CNTN1: variants seen among roughly 807,000 people sequenced by gnomAD.
CNTN1 encodes the protein contactin 1, also known as contactin-1.
CNTN1 carries 38 observed loss-of-function variants against 126.4 expected under a neutral mutation model. The observed-to-expected ratio is 0.30, with a 90% CI of 0.23 to 0.39. The LOEUF (loss-of-function observed/expected upper bound fraction) is 0.39. Ranked by LOEUF, CNTN1 falls within the 10% of genes least tolerant of loss-of-function variation. The pLI is 1.00. For synonymous variants in CNTN1, 413 were observed against 422.6 expected (o/e 0.98, Z 0.28); for missense variants, 1,009 against 1,248.4 (o/e 0.81, Z 2.89).
intron 1 of CNTN1, among the ~76,000 whole-genome samples, chr12:40,866,341 T>C (rs930748478): frequency 2.0e-5 from 3 of 152,126 alleles, no homozygotes; most frequent in Non-Finnish European, 2.9e-5. Context: ...GAACTTTCAG[T>C]AAAATGTTCA....
rs910088977 is a variant in CNTN1 at position 41,071,483 on chromosome 12, C to T, written c.*1448C>T. On this transcript the variant is annotated 3_prime_UTR_variant, in exon 24 of 24. Coordinates refer to ENST00000551295, the MANE Select transcript of CNTN1 (RefSeq NM_001843.4). ...GAGTTTATCTTTTTAGAAAGGACAC[C>T]GTATAGGTTCGTAAAAAATATTTAC... The T allele has an allele frequency of 1.3e-5, 2 of 151,948 alleles. No homozygotes were observed. The highest frequency in any genetic ancestry group is 2.1e-4 in the South Asian group (1 of 4,830). The allele number at this position is 151,948 out of a possible 1,614,324, so 9.4% of individuals were successfully genotyped here.
At chr12:40,919,747 T>A (rs1945371123) in intron 4 of CNTN1, among the ~76,000 whole-genome samples, 1 of 152,228 alleles carries the variant, frequency 6.6e-6, no homozygotes, top group East Asian at 1.9e-4. Flanking sequence ...ATTGTGAATT[T>A]AGATACAAAA....
At chr12:40,700,578 A>T (rs114104213) in intron 1 of CNTN1, among the ~76,000 whole-genome samples, 2 of 152,150 alleles carry the variant, frequency 1.3e-5, no homozygotes, top group Admixed American at 1.3e-4. Flanking sequence ...TTAGTAGACA[A>T]TGTTCAACTT....
At chr12:40,904,119 C>T (rs188540825) in intron 1 of CNTN1, among the ~76,000 whole-genome samples, 1 of 151,452 alleles carries the variant, frequency 6.6e-6, no homozygotes, top group Non-Finnish European at 1.5e-5. Flanking sequence ...CCTGGGTTCA[C>T]GCCATTCTCC....
intron 1 of CNTN1, among the ~76,000 whole-genome samples, chr12:40,718,659 T>C (rs1411136555): frequency 6.6e-6 from 1 of 152,184 alleles, no homozygotes; most frequent in Non-Finnish European, 1.5e-5. Context: ...GCAGTACAAC[T>C]AAATAGAGTC....
intron 14 of CNTN1, among the ~76,000 whole-genome samples, chr12:40,953,023 ATCTT>A (rs1384755214): frequency 6.6e-6 from 1 of 152,158 alleles, no homozygotes; most frequent in African/African-American, 2.4e-5. Flanking sequence ...ACCATATAGA[ATCTT>A]TCTTTGTTCA....
chr12:40,841,702 A>C (rs1942290438), intron 1 of CNTN1, among the ~76,000 whole-genome samples: 1 of 152,122 alleles, frequency 6.6e-6, no homozygotes, highest in South Asian at 2.1e-4. Context: ...TAGATGCAGA[A>C]AAAAAATTTG....
intron 1 of CNTN1, among the ~76,000 whole-genome samples, chr12:40,901,520 G>A (rs1944608233): frequency 6.6e-6 from 1 of 152,202 alleles, no homozygotes; most frequent in African/African-American, 2.4e-5. Flanking sequence ...AATTATTGTA[G>A]TAAGTGTGCC....
intron 23 of CNTN1, among the ~76,000 whole-genome samples, chr12:41,035,827 G>A (rs1386955401): frequency 3.9e-5 from 6 of 152,200 alleles, no homozygotes; most frequent in Non-Finnish European, 8.8e-5. Flanking sequence ...TATGGGATGA[G>A]GTTGGAGAGG....
rs1037062034 is a variant in CNTN1, at chr12:41,071,020, A to C, written c.*985A>C. The C allele has an allele frequency of 6.6e-6, 1 of 151,924 alleles. No individual in the cohort carries two copies. Among genetic ancestry groups the C allele is most frequent in the Non-Finnish European group, 1.5e-5 (1 of 67,962 alleles). The allele number at this position is 151,924 out of a possible 1,614,324, so 9.4% of individuals were successfully genotyped here. ...TAAGTATTACGTTTCTTTATTGCAGATGTCAGATCAAAAAGTCACCTGTAG... is the reference window on the plus strand; with the variant it reads ...TAAGTATTACGTTTCTTTATTGCAGCTGTCAGATCAAAAAGTCACCTGTAG... On this transcript the variant is annotated 3_prime_UTR_variant, in exon 24 of 24. Transcript: ENST00000551295.
intron 21 of CNTN1, among the ~76,000 whole-genome samples, chr12:41,027,235 G>A (rs1949055773): frequency 6.6e-6 from 1 of 152,162 alleles, no homozygotes; most frequent in Non-Finnish European, 1.5e-5. Context: ...GGTTGAAAGA[G>A]AGATTAGGGC....
intron 1 of CNTN1, among the ~76,000 whole-genome samples, chr12:40,813,063 C>A (rs1941138804): frequency 2.9e-5 from 3 of 104,918 alleles, no homozygotes; most frequent in Non-Finnish European, 4.0e-5. Context: ...TTCTTTCTTC[C>A]TTCCTTCCTT....
chr12:40,914,401 A>G (rs749116829), intron 3 of CNTN1, among the ~76,000 whole-genome samples: 1 of 152,198 alleles, frequency 6.6e-6, no homozygotes, highest in Non-Finnish European at 1.5e-5. Flanking sequence ...TGGCAATGCA[A>G]TACAGATGCT....
chr12:40,764,619 C>T (rs1479495925), intron 1 of CNTN1, among the ~76,000 whole-genome samples: 1 of 152,156 alleles, frequency 6.6e-6, no homozygotes, highest in Admixed American at 6.5e-5. Flanking sequence ...AAAGAACTCA[C>T]AATTGCAAGT....
intron 6 of CNTN1, 67 bp downstream of exon 6, chr12:40,924,719 G>T (rs1198879882): frequency 3.2e-5 from 26 of 822,860 alleles, no homozygotes; most frequent in South Asian, 1.4e-5. Context: ...CATTTTCTTA[G>T]TAATAATGCT....
At chr12:40,832,587 C>T (rs982834834) in intron 1 of CNTN1, among the ~76,000 whole-genome samples, 1 of 152,122 alleles carries the variant, frequency 6.6e-6, no homozygotes, top group African/African-American at 2.4e-5. Flanking sequence ...CCTAACTGCT[C>T]ATTTCTCAGA....
At chr12:41,061,763 A>G (rs887815215) in intron 23 of CNTN1, 2 of 455,736 alleles carry the variant, frequency 4.4e-6, no homozygotes, top group African/African-American at 4.0e-5. Flanking sequence ...ATTTTACAGA[A>G]GGAAAATCCA....
intron 1 of CNTN1, among the ~76,000 whole-genome samples, chr12:40,768,068 A>C (rs12368044): frequency 0.97 from 147,192 of 152,244 alleles, 71,352 homozygotes; most frequent in East Asian, 1. Flanking sequence ...AAATTTCTTC[A>C]CAGTACAAAT....
At position 40,952,665 on chromosome 12, in the gene CNTN1, G is replaced by T. The variant is rs147217698; in HGVS notation, c.1684-6449G>T. ...CTTGTTATTAAGAGTAAGTCAGTTC[G>T]CATGTATATTTATAACAACCTTTGA... On this transcript the variant is annotated intron_variant, in intron 14 of 23. Coordinates refer to ENST00000551295, the MANE Select transcript of CNTN1 (RefSeq NM_001843.4). Among the ~76,000 whole-genome samples the T allele has an allele frequency of 2.4e-3, 371 of 152,040 alleles. 1 individual carries two copies. The highest frequency in any genetic ancestry group is 8.6e-3 in the African/African-American group (355 of 41,502).
Sources: allele counts gnomAD v4.1 joint callset (sites outside exome capture counted in the v4.1 genomes callset), GRCh38; gene constraint gnomAD v4.1.1; transcripts MANE v1.5; gene names NCBI Gene and HGNC (gene_info 2026-07-23, HGNC 2026-07-21).